YARS1: variants seen among roughly 807,000 people sequenced by gnomAD.
The protein encoded by YARS1 is tyrosine--tRNA ligase, cytoplasmic.
In YARS1, 36 loss-of-function variants were observed where a neutral mutation model predicts 62.2. The observed-to-expected ratio is 0.58, with a 90% CI of 0.44 to 0.76. The LOEUF (loss-of-function observed/expected upper bound fraction) is 0.76. Ranked by LOEUF, YARS1 falls within the 30% of genes least tolerant of loss-of-function variation. YARS1 has a pLI of 0.00. For synonymous variants in YARS1, 234 were observed against 244.9 expected (o/e 0.96, Z 0.42); for missense variants, 524 against 639.8 (o/e 0.82, Z 1.95).
At position 32,791,266 on chromosome 1, in the gene YARS1, G is replaced by T; in HGVS notation, c.592-12C>A. On this transcript the variant is annotated splice_polypyrimidine_tract_variant and intron_variant, in intron 5 of 12. Coordinates refer to ENST00000373477, the MANE Select transcript of YARS1 (RefSeq NM_003680.4). ...AGTGCAGGGAGGTACTGAGAGATTA[G>T]AGAAACACACAAAAGCCGATATTAG... is the stretch of plus-strand genomic sequence containing the variant. The T allele has an allele frequency of 6.2e-7, 1 of 1,609,904 alleles. No individual in the cohort carries two copies. The highest frequency in any genetic ancestry group is 1.1e-5 in the South Asian group (1 of 91,002).
chr1:32,789,761 T>C (rs1653353357), intron 6 of YARS1, among the ~76,000 whole-genome samples: 2 of 146,238 alleles, frequency 1.4e-5, no homozygotes, highest in Admixed American at 1.4e-4. Context: ...GCTGAATTTT[T>C]ATATATTTAG....
intron 12 of YARS1, among the ~76,000 whole-genome samples, chr1:32,778,129 G>A (rs1463222092): frequency 6.6e-6 from 1 of 152,150 alleles, no homozygotes; most frequent in Non-Finnish European, 1.5e-5. Context: ...GAAGAAACAC[G>A]GTATTAACTA....
Position 32,776,920 on chromosome 1 carries a change from T to A in YARS1, c.1477-829A>T, listed in dbSNP as rs1224163976. ...AGGAGGAGGTTGTGGCGGGCCGAGA[T>A]CACGCCACCACACTCCAGCCTGGGT... is the stretch of plus-strand genomic sequence containing the variant. On this transcript the variant is annotated intron_variant, in intron 12 of 12. Transcript: ENST00000373477. The surrounding 1 kb of genome is among the most constrained non-coding windows in gnomAD (Gnocchi z 4.0). Among the ~76,000 whole-genome samples, 2 of 150,296 alleles carry A rather than the reference T, an allele frequency of 1.3e-5. No homozygotes were observed. Among genetic ancestry groups the A allele is most frequent in the East Asian group, 2.0e-4 (1 of 5,046 alleles).
chr1:32,796,965 C>T (rs866400023), intron 5 of YARS1, among the ~76,000 whole-genome samples: 1 of 2,658 alleles, frequency 3.8e-4, no homozygotes, highest in Non-Finnish European at 6.0e-4. Flanking sequence ...AACTCAGTCT[C>T]AAAAAAAAAA....
rs565215969 is a variant in YARS1, at chr1:32,777,630, T to A, written c.1477-1539A>T. On this transcript the variant is annotated intron_variant, in intron 12 of 12. Coordinates refer to ENST00000373477, the MANE Select transcript of YARS1 (RefSeq NM_003680.4). ...CATCTTGGAAAAATAAATAAATAAATAAAATAAAAATCATGGTCAGGTACA... is the reference window on the plus strand; with the variant it reads ...CATCTTGGAAAAATAAATAAATAAAAAAAATAAAAATCATGGTCAGGTACA... Among the ~76,000 whole-genome samples the A allele has an allele frequency of 1.1e-4, 17 of 151,888 alleles. No individual in the cohort carries two copies. The Middle Eastern group carries it at 0.014, about 122-fold the overall frequency.
At chr1:32,781,269 T>C (rs1653048559) in intron 9 of YARS1, 124 bp from the exon 10 acceptor site, 1 of 823,946 alleles carries the variant, frequency 1.2e-6, no homozygotes, top group Admixed American at 1.9e-5. Context: ...GTCTAAACAC[T>C]GAGTTGTAAC....
Position 32,796,121 on chromosome 1 carries a change from C to T in YARS1, c.591+1642G>A, listed in dbSNP as rs1241012807. 3.3e-5 allele frequency among the ~76,000 whole-genome samples: 5 copies of T among 151,406 alleles called. No individual in the cohort carries two copies. The East Asian group carries it at 5.9e-4, about 18-fold the overall frequency. On this transcript the variant is annotated intron_variant, in intron 5 of 12. Transcript: ENST00000373477. Reference sequence around the variant, plus strand: ...CAGCCTGGCCAACATAGTGAAACTCCGTCTCTACTAAAAATACAAAAAAAT... The same window carrying T: ...CAGCCTGGCCAACATAGTGAAACTCTGTCTCTACTAAAAATACAAAAAAAT...
At chr1:32,805,260 A>T in intron 4 of YARS1, among the ~76,000 whole-genome samples, 1 of 110,106 alleles carries the variant, frequency 9.1e-6, no homozygotes, top group Non-Finnish European at 1.8e-5. Context: ...AGAGGGGGAG[A>T]GGGGGAGAGG....
Position 32,780,188 on chromosome 1 carries a change from G to A in YARS1, c.1231C>T (p.Pro411Ser), listed in dbSNP as rs759870198. Residue 411 changes from proline (P) to serine (S), a missense_variant, in exon 11 of 13, where the codon CCC (proline) becomes TCC (serine). By Grantham distance (74) the Pro-to-Ser change is moderately conservative. Transcript: ENST00000373477. The stretch of plus-strand genomic sequence containing the variant: ...AGCCTGTCCTGCAGTTCCTCCTTGG[G>A]CACGAACTGTACCAGGCCGCTCACC... ...TVVSGLVQFV[P>S]KEELQDRLVV... 2 of 1,614,124 alleles carry A rather than the reference G, an allele frequency of 1.2e-6. No individual in the cohort carries two copies. The highest frequency in any genetic ancestry group is 1.3e-5 in the African/African-American group (1 of 74,994).
chr1:32,809,828 G>A (rs1430677509), intron 3 of YARS1, among the ~76,000 whole-genome samples: 1 of 152,140 alleles, frequency 6.6e-6, no homozygotes, highest in African/African-American at 2.4e-5. Flanking sequence ...AAGTTAGGCT[G>A]GGCGCAGTGG....
In YARS1 at chr1:32,775,634, A is replaced by G; in HGVS notation, c.*347T>C. 3 of 288,454 alleles carry G rather than the reference A, an allele frequency of 1.0e-5. No individual in the cohort carries two copies. Among genetic ancestry groups the G allele is most frequent in the East Asian group, 7.4e-5 (1 of 13,450 alleles). 17.9% of individuals were successfully genotyped at this position (288,454 alleles called of 1,614,324 possible). On this transcript the variant is annotated 3_prime_UTR_variant, in exon 13 of 13. Coordinates refer to ENST00000373477, the MANE Select transcript of YARS1 (RefSeq NM_003680.4). ...GGGCGCAGCTGCTTGGATAACTCCAAGAAAACCTGGGCACCAGTATTTTTC... is the reference window on the plus strand; with the variant it reads ...GGGCGCAGCTGCTTGGATAACTCCAGGAAAACCTGGGCACCAGTATTTTTC...
Position 32,798,064 on chromosome 1 carries a change from G to A in YARS1, c.511-221C>T, listed in dbSNP as rs560334013. The A allele has an allele frequency of 5.0e-4, 240 of 484,584 alleles. 4 individuals are homozygous for A. The highest frequency in any genetic ancestry group is 4.7e-3 in the South Asian group (230 of 49,018). The allele number at this position is 484,584 out of a possible 1,614,324, so 30.0% of individuals were successfully genotyped here. A position where few individuals can be genotyped will look rare whatever the true frequency, so the allele number is the denominator to read the frequency against. The stretch of plus-strand genomic sequence containing the variant: ...TTTTTGTATTTTTAGTAGAGACAAC[G>A]TTTTGCCATGTTGCCCAGGCTGGCC... On this transcript the variant is annotated intron_variant, in intron 4 of 12. Coordinates refer to ENST00000373477, the MANE Select transcript of YARS1 (RefSeq NM_003680.4).
At chr1:32,802,137 C>T (rs1008436773) in intron 4 of YARS1, among the ~76,000 whole-genome samples, 3 of 151,872 alleles carry the variant, frequency 2.0e-5, no homozygotes, top group African/African-American at 2.4e-5. Context: ...TTAGTAGAGA[C>T]GGGGTTTCAC....
chr1:32,786,282 T>C, intron 8 of YARS1, 80 bp downstream of exon 8: 1 of 1,398,690 alleles, frequency 7.1e-7, no homozygotes, highest in Non-Finnish European at 1.0e-6. Context: ...GAACAAGTTG[T>C]TCTAAACAAG....
chr1:32,778,703 G>A (rs541180674), intron 12 of YARS1, among the ~76,000 whole-genome samples: 117 of 148,304 alleles, frequency 7.9e-4, no homozygotes, highest in African/African-American at 2.5e-3. Flanking sequence ...CACCACGCCC[G>A]GCCAATCCTG....
In YARS1 at chr1:32,775,779, T is replaced by C. The variant is rs1274652735; in HGVS notation, c.*202A>G. The C allele has an allele frequency of 4.9e-6, 3 of 606,428 alleles. No homozygotes were observed. Among genetic ancestry groups the C allele is most frequent in the Admixed American group, 2.7e-5 (1 of 37,032 alleles). The allele number at this position is 606,428 out of a possible 1,614,324, so 37.6% of individuals were successfully genotyped here. A position where few individuals can be genotyped will look rare whatever the true frequency, so the allele number is the denominator to read the frequency against. ...GCTGTGGCCCAGCCCTTGTTAGGGG[T>C]TGGTCTCTCACTGCAGCCAGACAGG... On this transcript the variant is annotated 3_prime_UTR_variant, in exon 13 of 13. Transcript: ENST00000373477.
intron 4 of YARS1, among the ~76,000 whole-genome samples, chr1:32,804,105 T>C (rs1386875949): frequency 6.6e-6 from 1 of 152,266 alleles, no homozygotes; most frequent in Non-Finnish European, 1.5e-5. Context: ...TTTTTCTTAG[T>C]ACAGAACAAA....
chr1:32,817,162 G>A (rs1557472406), intron 1 of YARS1, 26 bp downstream of exon 1: 13 of 1,613,838 alleles, frequency 8.1e-6, no homozygotes, highest in Non-Finnish European at 1.1e-5. Context: ...ATCCCCAACG[G>A]CGCATTTCCA....
Position 32,817,236 on chromosome 1 carries a change from G to T in YARS1, c.9C>A (p.Asp3Glu). 6.2e-7 allele frequency: 1 copy of T among 1,614,080 alleles called. No individual in the cohort carries two copies. Reference protein sequence around the residue: MGDAPSPEEKLHL... With the variant: MGEAPSPEEKLHL... Reference sequence around the variant, plus strand: ...GCAGTTTCTCTTCAGGGCTGGGAGCGTCCCCCATGGCTCCGCTACCCCTGC... The same window carrying T: ...GCAGTTTCTCTTCAGGGCTGGGAGCTTCCCCCATGGCTCCGCTACCCCTGC... Residue 3 changes from aspartate (D) to glutamate (E), a missense_variant, in exon 1 of 13, where the codon GAC (aspartate) becomes GAA (glutamate). By Grantham distance (45) the Asp-to-Glu change is conservative. Coordinates refer to ENST00000373477, the MANE Select transcript of YARS1 (RefSeq NM_003680.4).
Sources: gnomAD v4.1 joint callset for allele counts (sites outside exome capture counted in the v4.1 genomes callset) on GRCh38, gnomAD v4.1.1 for gene constraint, Gnocchi (gnomAD v3.1) non-coding constraint, MANE v1.5 for transcripts, NCBI Gene and HGNC (gene_info 2026-07-23, HGNC 2026-07-21) for gene names.